Variants in PRKACB observed in about 807,000 individuals in gnomAD.
The protein encoded by PRKACB is cAMP-dependent protein kinase catalytic subunit beta.
In PRKACB, 16 loss-of-function variants were observed where a neutral mutation model predicts 51.4. That is an observed-to-expected ratio of 0.31 (90% CI 0.21 to 0.47). PRKACB has a LOEUF of 0.47. PRKACB is among the 20% of genes least tolerant of loss of function. The pLI, the probability that PRKACB is intolerant of heterozygous loss-of-function variation, is 1.00. For missense variants in PRKACB, 309 were observed against 464.5 expected (o/e 0.67, Z 3.08); for synonymous variants, 147 against 154.4 (o/e 0.95, Z 0.35).
At chr1:84,174,290 C>A (rs1448236553) in intron 1 of PRKACB, among the ~76,000 whole-genome samples, 1 of 151,692 alleles carries the variant, frequency 6.6e-6, no homozygotes, top group Non-Finnish European at 1.5e-5. Flanking sequence ...GGTCTTTTTC[C>A]CCAACTTTAT....
At chr1:84,082,168 T>C (rs905241544) in intron 1 of PRKACB, among the ~76,000 whole-genome samples, 3 of 152,196 alleles carry the variant, frequency 2.0e-5, no homozygotes, top group Non-Finnish European at 4.4e-5. Context: ...TAAGGTTGCA[T>C]AGCTAGTAAG....
At chr1:84,197,633 G>T in intron 6 of PRKACB, 96 bp from the exon 7 acceptor site, 2 of 763,928 alleles carry the variant, frequency 2.6e-6, no homozygotes, top group Non-Finnish European at 4.0e-6. Flanking sequence ...TTCTTTCATA[G>T]TTTCAATTTG....
intron 3 of PRKACB, among the ~76,000 whole-genome samples, chr1:84,182,902 T>A (rs589373): frequency 0.14 from 21,388 of 151,950 alleles, 1,814 homozygotes; most frequent in East Asian, 0.28. Flanking sequence ...TTAAAATGTG[T>A]ACAGTAGTGA....
intron 1 of PRKACB, among the ~76,000 whole-genome samples, chr1:84,122,911 T>A (rs1651209274): frequency 6.6e-6 from 1 of 152,208 alleles, no homozygotes; most frequent in Non-Finnish European, 1.5e-5. Flanking sequence ...GTTTATCTTA[T>A]ATTGCTAAAA....
At chr1:84,197,447 C>G (rs1361817382) in intron 6 of PRKACB, among the ~76,000 whole-genome samples, 1 of 151,930 alleles carries the variant, frequency 6.6e-6, no homozygotes, top group Admixed American at 6.6e-5. Context: ...TTTATTTTCA[C>G]TTTTTTATTC....
At chr1:84,229,201 G>A (rs1486416285) in intron 9 of PRKACB, among the ~76,000 whole-genome samples, 4 of 144,660 alleles carry the variant, frequency 2.8e-5, no homozygotes, top group Admixed American at 6.9e-5. Flanking sequence ...TTGTTCTTGC[G>A]ATAGTTTACT....
intron 9 of PRKACB, among the ~76,000 whole-genome samples, chr1:84,218,626 G>C (rs1673213113): frequency 6.6e-6 from 1 of 152,100 alleles, no homozygotes; most frequent in East Asian, 1.9e-4. Context: ...TGAGGATTCA[G>C]GTATTGCATT....
At chr1:84,123,291 A>G (rs904516567) in intron 1 of PRKACB, among the ~76,000 whole-genome samples, 1 of 152,196 alleles carries the variant, frequency 6.6e-6, no homozygotes, top group Non-Finnish European at 1.5e-5. Flanking sequence ...CTTGATAATT[A>G]AAACTGTATC....
chr1:84,184,139 A>C lies in PRKACB; in HGVS notation c.477+4A>C. 2 of 1,592,060 alleles carry C rather than the reference A, an allele frequency of 1.3e-6. No homozygotes were observed. Among genetic ancestry groups the C allele is most frequent in the Non-Finnish European group, 1.7e-6 (2 of 1,170,878 alleles). On this transcript the variant is annotated splice_donor_region_variant and intron_variant, in intron 4 of 9. Transcript: ENST00000370685. ...TCGACTGGAGTATGCTTTTAAGGTA[A>C]ATTTTAGTAATATCTAAATAAGATA...
intron 6 of PRKACB, among the ~76,000 whole-genome samples, chr1:84,197,502 G>T (rs542262904): frequency 1.8e-4 from 27 of 151,944 alleles, no homozygotes; most frequent in African/African-American, 6.5e-4. Context: ...GAGTTTTGTT[G>T]TTATTAATTT....
chr1:84,085,794 G>C (rs1647927705), intron 1 of PRKACB: 2 of 393,126 alleles, frequency 5.1e-6, no homozygotes, highest in Admixed American at 7.2e-5. Context: ...TCTCCAGGAA[G>C]CCCTCTCAGG....
chr1:84,130,474 C>A (rs2100551004), intron 1 of PRKACB, among the ~76,000 whole-genome samples: 1 of 152,062 alleles, frequency 6.6e-6, no homozygotes, highest in South Asian at 2.1e-4. Context: ...CTATTGTAAA[C>A]AACAGGAAAA....
intron 1 of PRKACB, among the ~76,000 whole-genome samples, chr1:84,117,581 G>C (rs980709744): frequency 6.6e-6 from 1 of 152,030 alleles, no homozygotes; most frequent in Non-Finnish European, 1.5e-5. Context: ...TTTCCAGTTT[G>C]TCAGCATTTA....
At chr1:84,146,881 GAAATTCCTGTTTGATTAAAT>G (rs1222954013) in intron 1 of PRKACB, among the ~76,000 whole-genome samples, 1 of 151,962 alleles carries the variant, frequency 6.6e-6, no homozygotes, top group Non-Finnish European at 1.5e-5. Context: ...CTAAGTAACA[GAAATTCCTGTTTGATTAAAT>G]AAATATGTAA....
intron 1 of PRKACB, chr1:84,086,197 T>G: frequency 6.3e-7 from 1 of 1,598,046 alleles, no homozygotes; most frequent in Non-Finnish European, 8.6e-7. Context: ...AAGATGAGGA[T>G]CAGCTGGAGG....
intron 1 of PRKACB, among the ~76,000 whole-genome samples, chr1:84,159,912 T>C (rs1246522353): frequency 6.6e-6 from 1 of 152,154 alleles, no homozygotes; most frequent in East Asian, 1.9e-4. Context: ...CAACCTTACC[T>C]TTCATGGAAT....
rs1676768705 is a variant in PRKACB, at chr1:84,237,609, A to G, written c.*2304A>G. The stretch of plus-strand genomic sequence containing the variant: ...CAAGGGAGTCAATTTCTGACCAATC[A>G]AGTACACTAAATTAGAATATTTTTA... On this transcript the variant is annotated 3_prime_UTR_variant, in exon 10 of 10. Coordinates refer to ENST00000370685, the MANE Select transcript of PRKACB (RefSeq NM_182948.4). 2 of 152,260 alleles carry G rather than the reference A, an allele frequency of 1.3e-5. No homozygotes were observed. The highest frequency in any genetic ancestry group is 2.1e-4 in the South Asian group (1 of 4,830). The allele number at this position is 152,260 out of a possible 1,614,324, so 9.4% of individuals were successfully genotyped here. A position where few individuals can be genotyped will look rare whatever the true frequency, so the allele number is the denominator to read the frequency against.
intron 9 of PRKACB, among the ~76,000 whole-genome samples, chr1:84,218,711 C>A (rs1673225605): frequency 6.6e-6 from 1 of 152,096 alleles, no homozygotes; most frequent in Admixed American, 6.6e-5. Flanking sequence ...TTTGAAAAAT[C>A]TCTGTACTAT....
intron 1 of PRKACB, among the ~76,000 whole-genome samples, chr1:84,156,474 A>G (rs1224136979): frequency 6.6e-6 from 1 of 152,120 alleles, no homozygotes; most frequent in Non-Finnish European, 1.5e-5. Flanking sequence ...TTCAAAGGTT[A>G]TGTCAAAGGA....
Sources: allele counts gnomAD v4.1 joint callset (sites outside exome capture counted in the v4.1 genomes callset), GRCh38; gene constraint gnomAD v4.1.1; transcripts MANE v1.5; gene names NCBI Gene and HGNC (gene_info 2026-07-23, HGNC 2026-07-21).